CAMK2B: variants seen among roughly 807,000 people sequenced by gnomAD.
CAMK2B encodes calcium/calmodulin dependent protein kinase II beta.
In CAMK2B, 27 loss-of-function variants were observed where a neutral mutation model predicts 93.7. That is an observed-to-expected ratio of 0.29 (90% CI 0.21 to 0.40). The LOEUF (loss-of-function observed/expected upper bound fraction) is 0.40, where lower values mean the gene tolerates loss of function less well. Ranked by LOEUF, CAMK2B falls within the 10% of genes least tolerant of loss-of-function variation. The pLI is 1.00. For missense variants in CAMK2B, 568 were observed against 895.8 expected (o/e 0.63, Z 4.67); for synonymous variants, 374 against 358.8 (o/e 1.04, Z -0.48).
intron 12 of CAMK2B, among the ~76,000 whole-genome samples, chr7:44,240,075 G>A (rs2096662426): frequency 6.6e-6 from 1 of 152,186 alleles, no homozygotes; most frequent in Admixed American, 6.5e-5. Flanking sequence ...CTCGCACACG[G>A]AGTGTCGGAC....
At chr7:44,308,744 C>CT (rs1306323059) in intron 1 of CAMK2B, among the ~76,000 whole-genome samples, 1 of 152,220 alleles carries the variant, frequency 6.6e-6, no homozygotes, top group East Asian at 1.9e-4. Context: ...ATGCAGACCA[C>CT]TAGCCCCAAG....
intron 23 of CAMK2B, 36 bp downstream of exon 23, chr7:44,220,024 C>T (rs1253455652): frequency 1.3e-6 from 2 of 1,497,910 alleles, no homozygotes; most frequent in East Asian, 2.5e-5. Context: ...ACCGCCACCC[C>T]TCTGCCCCAG....
chr7:44,270,050 C>T (rs914132235), intron 2 of CAMK2B, among the ~76,000 whole-genome samples: 1 of 151,980 alleles, frequency 6.6e-6, no homozygotes, highest in African/African-American at 2.4e-5. Context: ...ACGGGCCTGA[C>T]ACAGGGTGGG....
At position 44,234,442 on chromosome 7, in the gene CAMK2B, T is replaced by C; in HGVS notation, c.1079A>G (p.Lys360Arg). ...GGGGCTGGTGGCGGCTGCACTGTTT[T>C]TGGTGCTATTCGTCTGGGGCTGTGG... Reference protein sequence around the residue: ...DGVKPQTNSTKNSAAATSPKG... With the variant: ...DGVKPQTNSTRNSAAATSPKG... The change falls in exon 15 of 24, where the codon AAA becomes AGA. Residue 360 changes from lysine to arginine, a missense_variant. Lys to Arg is a conservative substitution (Grantham distance 26). Transcript: ENST00000395749. The C allele has an allele frequency of 6.4e-7, 1 of 1,557,866 alleles. No homozygotes were observed. The highest frequency in any genetic ancestry group is 8.7e-7 in the Non-Finnish European group (1 of 1,155,592).
At chr7:44,272,749 C>A (rs951355037) in intron 2 of CAMK2B, among the ~76,000 whole-genome samples, 2 of 152,238 alleles carry the variant, frequency 1.3e-5, no homozygotes, top group African/African-American at 2.4e-5. Context: ...TGCAGTAGGG[C>A]CACTTCCAGG....
intron 16 of CAMK2B, 80 bp downstream of exon 16, chr7:44,232,718 TGGGACATCTGCCCTCCACTCTGGC>T: frequency 3.7e-6 from 4 of 1,092,888 alleles, no homozygotes; most frequent in Non-Finnish European, 5.6e-6. Flanking sequence ...GGCCAGGGCA[TGGGACATCTGCCCTCCACTCTGGC>T]ACAAATGCTG....
intron 1 of CAMK2B, among the ~76,000 whole-genome samples, chr7:44,308,705 G>A (rs780709691): frequency 2.6e-5 from 4 of 152,158 alleles, no homozygotes; most frequent in Admixed American, 6.5e-5. Context: ...CACCTTGTCC[G>A]GAGGGCAAGG....
At chr7:44,298,539 C>T (rs1039241117) in intron 1 of CAMK2B, among the ~76,000 whole-genome samples, 1 of 152,126 alleles carries the variant, frequency 6.6e-6, no homozygotes, top group Admixed American at 6.5e-5. Flanking sequence ...ATTAATTGGG[C>T]TTACCAAAAT....
intron 1 of CAMK2B, among the ~76,000 whole-genome samples, chr7:44,304,475 T>A (rs1372108018): frequency 3.3e-5 from 5 of 152,160 alleles, no homozygotes; most frequent in Non-Finnish European, 7.4e-5. Context: ...GAAACTTAAG[T>A]GGCCACTGCT....
chr7:44,255,258 C>A (rs1033385665), intron 4 of CAMK2B, among the ~76,000 whole-genome samples: 1 of 152,176 alleles, frequency 6.6e-6, no homozygotes, highest in African/African-American at 2.4e-5. Flanking sequence ...GTGTCTCCAC[C>A]CAGTGAGTAG....
intron 8 of CAMK2B, 24 bp downstream of exon 8, chr7:44,243,226 G>A (rs1178530518): frequency 2.5e-6 from 4 of 1,587,152 alleles, no homozygotes; most frequent in East Asian, 2.2e-5. Context: ...GCCCTGCCCC[G>A]CACCAACTCA....
chr7:44,223,417 A>G (rs1029417510), intron 20 of CAMK2B, among the ~76,000 whole-genome samples: 2 of 152,166 alleles, frequency 1.3e-5, no homozygotes, highest in Non-Finnish European at 2.9e-5. Flanking sequence ...GGTAGGCTGC[A>G]GGATCCAGAA....
intron 18 of CAMK2B, 120 bp from the exon 19 acceptor site, chr7:44,229,044 C>T (rs759702082): frequency 2.1e-6 from 2 of 972,848 alleles, no homozygotes; most frequent in Non-Finnish European, 3.2e-6. Flanking sequence ...TGGGATCAGG[C>T]CCTGAATCAG....
At chr7:44,236,177 G>A (rs1294958832) in intron 13 of CAMK2B, among the ~76,000 whole-genome samples, 2 of 152,222 alleles carry the variant, frequency 1.3e-5, no homozygotes, top group Non-Finnish European at 2.9e-5. Context: ...GGCATAGACA[G>A]GCCTGGGCCT....
Position 44,298,912 on chromosome 7 carries a change from T to C in CAMK2B, c.66-14687A>G, listed in dbSNP as rs80086992. Among the ~76,000 whole-genome samples, 161 of 152,286 alleles carry C rather than the reference T, an allele frequency of 1.1e-3. 4 individuals are homozygous for C. In the East Asian group the frequency reaches 0.025, roughly 24 times the overall value. ...AAAATAACAAGTGTTGGTGAGGGTG[T>C]AGAGGACTTGGAACCCTTGTGCATT... On this transcript the variant is annotated intron_variant, in intron 1 of 23. Transcript: ENST00000395749.
intron 20 of CAMK2B, among the ~76,000 whole-genome samples, chr7:44,222,065 C>T (rs1025693750): frequency 1.8e-4 from 28 of 152,210 alleles, no homozygotes; most frequent in East Asian, 3.8e-4. Context: ...TACGCAGGCA[C>T]GCACATACAT....
Position 44,312,913 on chromosome 7 carries a change from C to A in CAMK2B, c.65+12444G>T, listed in dbSNP as rs59120548. ...GGGTGTTCTCCGTCAGTCCCTGGGG[C>A]TGTTATGATGAAAGGATGGGGATGG... On this transcript the variant is annotated intron_variant, in intron 1 of 23. Transcript: ENST00000395749. This position sits in a 1 kb window ranked among gnomAD's most constrained non-coding sequence, Gnocchi z 4.1. 0.025 allele frequency among the ~76,000 whole-genome samples: 3,800 copies of A among 152,158 alleles called. 168 individuals carry two copies. The highest frequency in any genetic ancestry group is 0.087 in the African/African-American group (3,604 of 41,482).
chr7:44,292,701 G>A (rs1787200517), intron 1 of CAMK2B, among the ~76,000 whole-genome samples: 1 of 152,182 alleles, frequency 6.6e-6, no homozygotes, highest in Non-Finnish European at 1.5e-5. Flanking sequence ...TTTGACCATA[G>A]AAATCTTTAT....
chr7:44,242,734 C>T (rs2096692821), intron 8 of CAMK2B, 80 bp from the exon 9 acceptor site: 10 of 983,182 alleles, frequency 1.0e-5, no homozygotes, highest in South Asian at 8.5e-5. Flanking sequence ...ACCCTCACTG[C>T]CTAGCTCCTG....
Sources: gnomAD v4.1 joint callset for allele counts (sites outside exome capture counted in the v4.1 genomes callset) on GRCh38, gnomAD v4.1.1 for gene constraint, Gnocchi (gnomAD v3.1) non-coding constraint, MANE v1.5 for transcripts, NCBI Gene and HGNC (gene_info 2026-07-23, HGNC 2026-07-21) for gene names.